Variants in PCCB observed in about 807,000 individuals in gnomAD.
PCCB encodes the protein propionyl-CoA carboxylase beta chain, mitochondrial.
In PCCB, 43 loss-of-function variants were observed where a neutral mutation model predicts 60.7. The observed-to-expected ratio is 0.71, with a 90% CI of 0.55 to 0.91. The LOEUF is 0.91. Ranked by LOEUF, PCCB falls within the 40% of genes least tolerant of loss-of-function variation. The pLI, the probability that PCCB is intolerant of heterozygous loss-of-function variation, is 0.00. For missense variants in PCCB, 766 were observed against 702.8 expected (o/e 1.09, Z -1.02); for synonymous variants, 276 against 255.9 (o/e 1.08, Z -0.75).
intron 5 of PCCB, among the ~76,000 whole-genome samples, chr3:136,268,085 T>TGC (rs1425494243): frequency 1.1e-5 from 1 of 93,596 alleles, no homozygotes; most frequent in Non-Finnish European, 1.9e-5. Context: ...TGTGTGTGTG[T>TGC]AGATATATAT....
At position 136,310,362 on chromosome 3, in the gene PCCB, TA is replaced by T. The variant is rs749793184; in HGVS notation, c.967-6565del. Among the ~76,000 whole-genome samples, 744 of 126,076 alleles carry T rather than the reference TA, an allele frequency of 5.9e-3. 1 individual carries two copies. Among genetic ancestry groups the T allele is most frequent in the East Asian group, 6.5e-3 (28 of 4,308 alleles). The allele number at this position is 126,076 out of a possible 152,430, so 82.7% of individuals were successfully genotyped here. A position where few individuals can be genotyped will look rare whatever the true frequency, so the allele number is the denominator to read the frequency against. ...TGGGCAACAAGAGCGAAACTCCATC[TA>T]AAAAAAAAAAAAAGCCAGGCATGGT... On this transcript the variant is annotated intron_variant, in intron 9 of 14. Transcript: ENST00000251654.
intron 10 of PCCB, among the ~76,000 whole-genome samples, chr3:136,325,508 A>G (rs887228219): frequency 3.3e-5 from 5 of 151,378 alleles, no homozygotes; most frequent in African/African-American, 9.7e-5. Context: ...AGGTGCCTGC[A>G]ACCACGCCTG....
intron 10 of PCCB, among the ~76,000 whole-genome samples, chr3:136,320,040 C>T (rs1935055673): frequency 6.6e-6 from 1 of 152,326 alleles, no homozygotes; most frequent in South Asian, 2.1e-4. Context: ...GTATTCTTAA[C>T]ACTATTCTGT....
intron 5 of PCCB, among the ~76,000 whole-genome samples, chr3:136,262,576 A>G (rs551300666): frequency 1.7e-4 from 26 of 152,372 alleles, no homozygotes; most frequent in Admixed American, 1.2e-3. Context: ...ACAGACTGAA[A>G]TTATGAGAGA....
intron 9 of PCCB, among the ~76,000 whole-genome samples, chr3:136,309,255 T>TC (rs1408572901): frequency 1.7e-5 from 2 of 114,742 alleles, no homozygotes; most frequent in African/African-American, 6.9e-5. Context: ...AGAGCAAGAC[T>TC]CCATCTCAAA....
chr3:136,285,552 GT>G (rs11421458), intron 6 of PCCB, among the ~76,000 whole-genome samples: 64 of 144,270 alleles, frequency 4.4e-4, no homozygotes, highest in Non-Finnish European at 4.7e-4. Context: ...CCACTAAATC[GT>G]TTTTTTTTTT....
At chr3:136,299,098 C>T (rs544550043) in intron 8 of PCCB, among the ~76,000 whole-genome samples, 15 of 152,178 alleles carry the variant, frequency 9.9e-5, no homozygotes, top group African/African-American at 3.6e-4. Flanking sequence ...TAGGACATCA[C>T]TTGAAGGTAT....
intron 7 of PCCB, among the ~76,000 whole-genome samples, chr3:136,295,302 A>T (rs1464054827): frequency 6.6e-6 from 1 of 152,162 alleles, no homozygotes; most frequent in Non-Finnish European, 1.5e-5. Flanking sequence ...TAAAGTAGAG[A>T]TGTGTCTTAT....
rs1934516941 is a variant in PCCB, at chr3:136,308,210, G to T, written c.966+7099G>T. Among the ~76,000 whole-genome samples, 3 of 149,880 alleles carry T rather than the reference G, an allele frequency of 2.0e-5. 1 individual carries two copies. The Admixed American group carries it at 2.0e-4, about 10-fold the overall frequency. On this transcript the variant is annotated intron_variant, in intron 9 of 14. Coordinates refer to ENST00000251654, the MANE Select transcript of PCCB (RefSeq NM_000532.5). ...CTAATATTGAACAGAGTAAAGTTCA[G>T]GTATTAACCATAATAAGGAAGGACT...
In PCCB at chr3:136,315,331, C is replaced by T. The variant is rs115022900; in HGVS notation, c.967-1610C>T. ...GGTGGGCGGATCACGAGGTCGAGAT[C>T]GAGACTATTCTGACCAACATGGTGA... On this transcript the variant is annotated intron_variant, in intron 9 of 14. Transcript: ENST00000251654. Among the ~76,000 whole-genome samples the T allele has an allele frequency of 6.9e-3, 1,042 of 151,518 alleles. 16 individuals are homozygous for T. The highest frequency in any genetic ancestry group is 0.024 in the African/African-American group (992 of 41,244).
chr3:136,329,997 T>C lies in PCCB; in HGVS notation c.1591T>C (p.Trp531Arg), dbSNP rs1284814283. ...GGCCAGCAAGAAGGTACAACGTCCTTGGAGAAAACATGCAAATATTCCATT... is the reference window on the plus strand; with the variant it reads ...GGCCAGCAAGAAGGTACAACGTCCTCGGAGAAAACATGCAAATATTCCATT... ...VLASKKVQRP[W>R]RKHANIPL Residue 531 changes from tryptophan (W) to arginine (R), a missense_variant, in exon 15 of 15, where the codon TGG (tryptophan) becomes CGG (arginine). Transcript: ENST00000251654. 1 of 1,614,122 alleles carries C rather than the reference T, an allele frequency of 6.2e-7. No individual in the cohort carries two copies. The highest frequency in any genetic ancestry group is 2.2e-5 in the East Asian group (1 of 44,880).
chr3:136,329,874 A>T, intron 14 of PCCB, 31 bp from the exon 15 acceptor site: 3 of 1,613,676 alleles, frequency 1.9e-6, no homozygotes, highest in Non-Finnish European at 2.5e-6. Context: ...CGGGATGCAG[A>T]TGATCCACTC....
At chr3:136,312,412 G>A (rs1320475744) in intron 9 of PCCB, among the ~76,000 whole-genome samples, 1 of 152,148 alleles carries the variant, frequency 6.6e-6, no homozygotes, top group Non-Finnish European at 1.5e-5. Flanking sequence ...TATTACAATA[G>A]GACCACCTTC....
At chr3:136,274,379 A>C (rs779529515) in intron 5 of PCCB, among the ~76,000 whole-genome samples, 6 of 152,128 alleles carry the variant, frequency 3.9e-5, no homozygotes, top group Non-Finnish European at 8.8e-5. Flanking sequence ...TTCATTTAGG[A>C]AACTTAGTTT....
intron 5 of PCCB, among the ~76,000 whole-genome samples, chr3:136,280,201 C>T (rs1438594723): frequency 6.6e-6 from 1 of 152,184 alleles, no homozygotes; most frequent in Non-Finnish European, 1.5e-5. Context: ...AAAGGACTCC[C>T]TGTAGAATTT....
intron 5 of PCCB, among the ~76,000 whole-genome samples, chr3:136,281,008 T>C (rs1942461366): frequency 6.6e-6 from 1 of 152,226 alleles, no homozygotes; most frequent in Admixed American, 6.5e-5. Flanking sequence ...TTAATCTTGC[T>C]GAGGATCAGT....
chr3:136,277,669 G>A (rs1178196953), intron 5 of PCCB, among the ~76,000 whole-genome samples: 1 of 152,134 alleles, frequency 6.6e-6, no homozygotes, highest in Admixed American at 6.5e-5. Flanking sequence ...TGCCTCTACT[G>A]CACAGAAGAG....
rs1019945962 is a variant in PCCB, at chr3:136,261,540, G to C, written c.430-412G>C. Among the ~76,000 whole-genome samples, 4 of 152,012 alleles carry C rather than the reference G, an allele frequency of 2.6e-5. No individual in the cohort carries two copies. The South Asian group carries it at 8.3e-4, about 32-fold the overall frequency. ...TAGAAGTAAAAGCAGGCCCGGGCCT[G>C]CCCTCAGATTAACAGATGGGTCAAC... On this transcript the variant is annotated intron_variant, in intron 4 of 14. Coordinates refer to ENST00000251654, the MANE Select transcript of PCCB (RefSeq NM_000532.5).
At chr3:136,283,236 A>G (rs570776029) in intron 5 of PCCB, among the ~76,000 whole-genome samples, 14 of 152,086 alleles carry the variant, frequency 9.2e-5, no homozygotes, top group Non-Finnish European at 1.8e-4. Flanking sequence ...CCCACATCCT[A>G]TCTTTCCTGA....
Sources: allele counts gnomAD v4.1 joint callset (sites outside exome capture counted in the v4.1 genomes callset), GRCh38; gene constraint gnomAD v4.1.1; transcripts MANE v1.5; gene names NCBI Gene and HGNC (gene_info 2026-07-23, HGNC 2026-07-21).